Variants in AP3B1 observed in about 807,000 individuals in gnomAD.
AP3B1 encodes adaptor related protein complex 3 subunit beta 1, also known as AP-3 complex subunit beta-1.
In AP3B1, 61 loss-of-function variants were observed where a neutral mutation model predicts 132.5. That is an observed-to-expected ratio of 0.46 (90% CI 0.37 to 0.57). The LOEUF is 0.57. AP3B1 is among the 20% of genes least tolerant of loss of function. AP3B1 has a pLI of 0.00. For synonymous variants in AP3B1, 388 were observed against 438.3 expected, an observed-to-expected ratio of 0.89 and a Z score of 1.43; for missense variants, 1,120 against 1,289.4, an observed-to-expected ratio of 0.87 and a Z score of 2.01.
chr5:78,213,101 G>C (rs779407329), intron 7 of AP3B1, among the ~76,000 whole-genome samples: 1 of 151,840 alleles, frequency 6.6e-6, no homozygotes, highest in South Asian at 2.1e-4. Flanking sequence ...GGATGGTCTT[G>C]ATCTCCTGAC....
In AP3B1 at chr5:78,116,167, G is replaced by A. The variant is rs1342496123; in HGVS notation, c.2036C>T (p.Ser679Phe). The change falls in exon 18 of 27, where the codon TCT becomes TTT. Residue 679 changes from serine to phenylalanine, a missense_variant. By Grantham distance (155) the Ser-to-Phe change is radical (BLOSUM62 -2). This residue lies in a region of AP3B1 where 906 missense variants were observed against 997.1 expected (regional missense o/e 0.91). Coordinates refer to ENST00000255194, the MANE Select transcript of AP3B1 (RefSeq NM_003664.5). ...ENSAKKFYSE[S>F]EEEEDSSDSS... ...ATCAGAAGAGTCCTCCTCTTCCTCA[G>A]ATTCAGAATAAAACTTCTTAGCAGA... 4 of 1,613,792 alleles carry A rather than the reference G, an allele frequency of 2.5e-6. No homozygotes were observed. Among genetic ancestry groups the A allele is most frequent in the Non-Finnish European group, 3.4e-6 (4 of 1,179,826 alleles).
intron 2 of AP3B1, among the ~76,000 whole-genome samples, chr5:78,263,914 T>C (rs1007145055): frequency 3.3e-5 from 5 of 152,226 alleles, no homozygotes; most frequent in African/African-American, 1.2e-4. Context: ...TAACTTTCTA[T>C]GTTTAGATAC....
At chr5:78,257,699 T>C (rs1024266735) in intron 2 of AP3B1, among the ~76,000 whole-genome samples, 10 of 152,066 alleles carry the variant, frequency 6.6e-5, no homozygotes, top group Admixed American at 1.3e-4. Flanking sequence ...CCACAAAAGA[T>C]CCAGAATAGC....
intron 20 of AP3B1, among the ~76,000 whole-genome samples, chr5:78,109,386 G>A (rs1751477741): frequency 6.6e-6 from 1 of 151,974 alleles, no homozygotes; most frequent in Non-Finnish European, 1.5e-5. Context: ...AGAGATTCCA[G>A]TTAACAGAAC....
chr5:78,004,230 A>C (rs1746302404), intron 26 of AP3B1, among the ~76,000 whole-genome samples: 1 of 152,212 alleles, frequency 6.6e-6, no homozygotes. Context: ...ACATAAAAAT[A>C]AAACTGCCGC....
chr5:78,203,183 T>G (rs771458353), intron 7 of AP3B1, among the ~76,000 whole-genome samples: 2 of 152,222 alleles, frequency 1.3e-5, no homozygotes, highest in African/African-American at 2.4e-5. Flanking sequence ...TTTGAAAATG[T>G]GATCTTTATG....
rs143965276 is a variant in AP3B1 at position 78,166,004 on chromosome 5, G to T, written c.1168-332C>A. Among the ~76,000 whole-genome samples, 759 of 151,336 alleles carry T rather than the reference G, an allele frequency of 5.0e-3. 13 individuals are homozygous for T. The highest frequency in any genetic ancestry group is 3.9e-3 in the Non-Finnish European group (263 of 67,522). ...GAGGCAGGAGAATTGCTGGAACCCA[G>T]GAGGCAGAGGTTGCAGTGAGCAGGA... On this transcript the variant is annotated intron_variant, in intron 11 of 26. Coordinates refer to ENST00000255194, the MANE Select transcript of AP3B1 (RefSeq NM_003664.5).
In AP3B1 at chr5:78,162,871, T is replaced by G; in HGVS notation, c.1311A>C (p.Glu437Asp). ...AGCCATTGAGGCACGTGTCAGTGACTTCCAAGATGTTGGTTGCACATCTGC... is the reference window on the plus strand; with the variant it reads ...AGCCATTGAGGCACGTGTCAGTGACGTCCAAGATGTTGGTTGCACATCTGC... Reference protein sequence around the residue: ...TIGRCATNILEVTDTCLNGLV... With the variant: ...TIGRCATNILDVTDTCLNGLV... Residue 437 changes from glutamate to aspartate, a missense_variant, in exon 13 of 27, where the codon GAA becomes GAC. By Grantham distance (45) the Glu-to-Asp change is conservative. Coordinates refer to ENST00000255194, the MANE Select transcript of AP3B1 (RefSeq NM_003664.5). The G allele has an allele frequency of 6.2e-7, 1 of 1,614,094 alleles. No individual in the cohort carries two copies. Among genetic ancestry groups the G allele is most frequent in the East Asian group, 2.2e-5 (1 of 44,884 alleles).
intron 22 of AP3B1, among the ~76,000 whole-genome samples, chr5:78,064,198 T>G (rs1749179788): frequency 6.7e-6 from 1 of 149,936 alleles, no homozygotes; most frequent in Admixed American, 6.6e-5. Context: ...TGTTAACTGT[T>G]GTTTCCACAT....
At chr5:78,291,495 A>T (rs1025341722) in intron 1 of AP3B1, among the ~76,000 whole-genome samples, 1 of 151,764 alleles carries the variant, frequency 6.6e-6, no homozygotes, top group Admixed American at 6.6e-5. Flanking sequence ...AATTAACATC[A>T]TGAAGATGGA....
chr5:78,140,162 T>C (rs535617701), intron 15 of AP3B1, among the ~76,000 whole-genome samples: 9 of 152,256 alleles, frequency 5.9e-5, no homozygotes, highest in Middle Eastern at 3.4e-3. Flanking sequence ...GCAAAAATGA[T>C]TCCTCTTATT....
In AP3B1 at chr5:78,293,085, G is replaced by T. The variant is rs563094235; in HGVS notation, c.128+1367C>A. Among the ~76,000 whole-genome samples the T allele has an allele frequency of 2.9e-3, 448 of 152,080 alleles. 5 individuals are homozygous for T. Among genetic ancestry groups the T allele is most frequent in the African/African-American group, 0.01 (432 of 41,494 alleles). On this transcript the variant is annotated intron_variant, in intron 1 of 26. Transcript: ENST00000255194. ...GTAGAGACGGGGTTTCACCATGTTG[G>T]CCAGGCTGGTCTCGAACTCCTGGCC...
chr5:78,049,409 G>A (rs1177460878), intron 22 of AP3B1, among the ~76,000 whole-genome samples: 1 of 152,108 alleles, frequency 6.6e-6, no homozygotes, highest in Non-Finnish European at 1.5e-5. Flanking sequence ...TTTATTCAAT[G>A]AGTTGTACCA....
chr5:78,185,062 T>C (rs1486976647), intron 7 of AP3B1, among the ~76,000 whole-genome samples: 2 of 152,128 alleles, frequency 1.3e-5, no homozygotes, highest in Non-Finnish European at 2.9e-5. Flanking sequence ...CAGAACACAG[T>C]AGACCAACTG....
At chr5:78,177,743 C>A (rs1313064273) in intron 8 of AP3B1, among the ~76,000 whole-genome samples, 2 of 151,876 alleles carry the variant, frequency 1.3e-5, no homozygotes, top group Non-Finnish European at 2.9e-5. Flanking sequence ...AAAAAAAGGA[C>A]AAAAAGAGAC....
intron 1 of AP3B1, among the ~76,000 whole-genome samples, chr5:78,275,882 A>G (rs1215627120): frequency 6.6e-6 from 1 of 152,216 alleles, no homozygotes; most frequent in Non-Finnish European, 1.5e-5. Flanking sequence ...TAAACTTACA[A>G]GCATAGAACA....
chr5:78,197,654 G>C (rs1310418844), intron 7 of AP3B1, among the ~76,000 whole-genome samples: 3 of 151,982 alleles, frequency 2.0e-5, no homozygotes, highest in Non-Finnish European at 2.9e-5. Context: ...TTATCTGAAT[G>C]GATTTCCTAA....
intron 3 of AP3B1, among the ~76,000 whole-genome samples, chr5:78,229,244 A>G (rs754417147): frequency 1.3e-5 from 2 of 152,222 alleles, no homozygotes; most frequent in Non-Finnish European, 2.9e-5. Context: ...CCTTGAAAAC[A>G]AGTTTTAAAG....
chr5:78,096,432 C>A (rs1750788302), intron 21 of AP3B1, among the ~76,000 whole-genome samples: 1 of 151,940 alleles, frequency 6.6e-6, no homozygotes, highest in East Asian at 1.9e-4. Context: ...CCGGCCGCCA[C>A]CCCGTCTAGG....
Sources: gnomAD v4.1 joint callset for allele counts (sites outside exome capture counted in the v4.1 genomes callset) on GRCh38, gnomAD v4.1.1 for gene constraint, gnomAD v4.1.1 regional missense constraint, MANE v1.5 for transcripts, NCBI Gene and HGNC (gene_info 2026-07-23, HGNC 2026-07-21) for gene names.